SHANK2: variants seen among roughly 807,000 people sequenced by gnomAD.
The protein encoded by SHANK2 is SH3 and multiple ankyrin repeat domains 2, also known as SH3 and multiple ankyrin repeat domains protein 2.
Under a neutral mutation model 133.7 loss-of-function variants are expected in SHANK2, and 43 were observed. The observed-to-expected ratio is 0.32, with a 90% CI of 0.25 to 0.41. The LOEUF is 0.41. SHANK2 is among the 10% of genes least tolerant of loss of function. The pLI, the probability that SHANK2 is intolerant of heterozygous loss-of-function variation, is 1.00. For missense variants in SHANK2, 1,994 were observed against 2,235.8 expected, an observed-to-expected ratio of 0.89 and a Z score of 2.18; for synonymous variants, 1,017 against 952.8, an observed-to-expected ratio of 1.07 and a Z score of -1.24.
At chr11:70,936,566 A>G (rs1452054331) in intron 10 of SHANK2, among the ~76,000 whole-genome samples, 1 of 152,214 alleles carries the variant, frequency 6.6e-6, no homozygotes, top group East Asian at 1.9e-4. Context: ...ATAAGGCAAC[A>G]GGCAAAAGAA....
At chr11:70,711,556 T>C (rs1945784070) in intron 14 of SHANK2, among the ~76,000 whole-genome samples, 1 of 152,222 alleles carries the variant, frequency 6.6e-6, no homozygotes, top group African/African-American at 2.4e-5. Flanking sequence ...GCAGGAATGC[T>C]AGGAGTGTGC....
rs1565496262 is a variant in SHANK2 at position 71,175,550 on chromosome 11, GGGAGAGA to G, written c.-12-28219_-12-28213del. On this transcript the variant is annotated intron_variant, in intron 2 of 25. Transcript: ENST00000601538. This position sits in a 1 kb window ranked among gnomAD's most constrained non-coding sequence, Gnocchi z 4.2. The stretch of plus-strand genomic sequence containing the variant: ...ACAGACAGACAGAGGGAGAGGGAGA[GGGAGAGA>G]GAGAGAGAGAGAGAGAGAGAGAGAG... Among the ~76,000 whole-genome samples the G allele has an allele frequency of 5.9e-3, 89 of 15,152 alleles. 1 individual carries two copies. Among genetic ancestry groups the G allele is most frequent in the Non-Finnish European group, 9.6e-3 (47 of 4,892 alleles). 9.9% of individuals were successfully genotyped at this position (15,152 alleles called of 152,430 possible).
chr11:70,525,862 C>A (rs1554972032), intron 17 of SHANK2, among the ~76,000 whole-genome samples: 1 of 151,918 alleles, frequency 6.6e-6, no homozygotes, highest in African/African-American at 2.4e-5. Context: ...CTTCCTTCCC[C>A]CTCCCTGCTC....
chr11:71,098,034 GTGTGTGCA>G lies in SHANK2; in HGVS notation c.593-3354_593-3347del, dbSNP rs1951651734. The stretch of plus-strand genomic sequence containing the variant: ...TGTGTGCCTATGTGTGTGCATGCCT[GTGTGTGCA>G]TGTGTGCATGCCTGTGTGTACATGC... On this transcript the variant is annotated intron_variant, in intron 6 of 25. Transcript: ENST00000601538. Among the ~76,000 whole-genome samples the G allele has an allele frequency of 2.6e-5, 4 of 151,346 alleles. No homozygotes were observed. The South Asian group carries it at 8.4e-4, about 32-fold the overall frequency.
At chr11:70,738,060 C>T (rs1004411380) in intron 14 of SHANK2, among the ~76,000 whole-genome samples, 3 of 152,246 alleles carry the variant, frequency 2.0e-5, no homozygotes, top group Non-Finnish European at 2.9e-5. Flanking sequence ...TGACAAAGCC[C>T]GCAAGACGGT....
chr11:70,550,993 G>A (rs541285419), intron 17 of SHANK2, among the ~76,000 whole-genome samples: 24 of 152,310 alleles, frequency 1.6e-4, no homozygotes, highest in African/African-American at 5.8e-4. Context: ...GAAGGTCCAG[G>A]GACACTGAGA....
At chr11:70,690,940 C>T (rs1322345959) in intron 15 of SHANK2, among the ~76,000 whole-genome samples, 1 of 151,872 alleles carries the variant, frequency 6.6e-6, no homozygotes, top group East Asian at 1.9e-4. Flanking sequence ...GGGAAGATAC[C>T]CACCAGAAGA....
intron 17 of SHANK2, among the ~76,000 whole-genome samples, chr11:70,635,789 C>G (rs2061069200): frequency 1.3e-5 from 2 of 151,772 alleles, no homozygotes; most frequent in South Asian, 2.1e-4. Flanking sequence ...GTGAATGGAG[C>G]AAATGGCGGC....
intron 17 of SHANK2, among the ~76,000 whole-genome samples, chr11:70,617,193 A>C (rs982266416): frequency 2.7e-5 from 4 of 150,520 alleles, no homozygotes; most frequent in Non-Finnish European, 4.4e-5. Context: ...AGTGTCTATG[A>C]ATGTGTGAGT....
At chr11:71,061,420 C>T (rs1479942926) in intron 9 of SHANK2, among the ~76,000 whole-genome samples, 1 of 152,236 alleles carries the variant, frequency 6.6e-6, no homozygotes, top group African/African-American at 2.4e-5. Flanking sequence ...GGTCTTCAGG[C>T]CCCACTTAGG....
chr11:71,217,971 C>T (rs576311226), intron 2 of SHANK2, among the ~76,000 whole-genome samples: 5 of 152,216 alleles, frequency 3.3e-5, no homozygotes, highest in South Asian at 2.1e-4. Context: ...CTGCCTCAGC[C>T]TCCTGAGTAG....
chr11:71,090,383 TGTCC>T (rs1284987538), intron 8 of SHANK2, among the ~76,000 whole-genome samples: 1 of 79,132 alleles, frequency 1.3e-5, no homozygotes, highest in African/African-American at 5.1e-5. Flanking sequence ...TGTGTGTGTG[TGTCC>T]CCTGCTGCTT....
rs1951410685 is a variant in SHANK2 at position 71,086,220 on chromosome 11, TAATATATTAA to T, written c.912+6192_912+6201del. On this transcript the variant is annotated intron_variant, in intron 8 of 25. Coordinates refer to ENST00000601538, the MANE Select transcript of SHANK2 (RefSeq NM_012309.5). ...AAATTATATAATATATTATGTTATA[TAATATATTAA>T]ATTATATAATATATTATGTTATATA... Among the ~76,000 whole-genome samples the T allele has an allele frequency of 4.8e-4, 42 of 87,376 alleles. 2 individuals carry two copies. The highest frequency in any genetic ancestry group is 6.8e-4 in the Non-Finnish European group (36 of 52,584). 57.3% of individuals were successfully genotyped at this position (87,376 alleles called of 152,430 possible).
At chr11:71,158,462 A>G (rs1952945586) in intron 2 of SHANK2, among the ~76,000 whole-genome samples, 1 of 152,220 alleles carries the variant, frequency 6.6e-6, no homozygotes, top group Non-Finnish European at 1.5e-5. Context: ...TGAAATAAAG[A>G]AAGAATTGAA....
chr11:71,167,773 G>T (rs1341712392), intron 2 of SHANK2, among the ~76,000 whole-genome samples: 1 of 122,192 alleles, frequency 8.2e-6, no homozygotes, highest in African/African-American at 3.2e-5. Context: ...CCTCCCGGAC[G>T]GGGCGGCTGG....
At position 71,151,335 on chromosome 11, in the gene SHANK2, G is replaced by T. The variant is rs535218537; in HGVS notation, c.-12-3997C>A. 2.0e-5 allele frequency among the ~76,000 whole-genome samples: 3 copies of T among 152,172 alleles called. No individual in the cohort carries two copies. In the East Asian group the frequency reaches 5.8e-4, roughly 29 times the overall value. On this transcript the variant is annotated intron_variant, in intron 2 of 25. Coordinates refer to ENST00000601538, the MANE Select transcript of SHANK2 (RefSeq NM_012309.5). Reference sequence around the variant, plus strand: ...CACTGTTGACTCCCAGCGCTCTTCCGGTGTGGGAAGAGCCTGCCGGGTAGC... The same window carrying T: ...CACTGTTGACTCCCAGCGCTCTTCCTGTGTGGGAAGAGCCTGCCGGGTAGC...
At chr11:70,936,078 G>A (rs1555083412) in intron 10 of SHANK2, among the ~76,000 whole-genome samples, 2 of 152,232 alleles carry the variant, frequency 1.3e-5, no homozygotes, top group Non-Finnish European at 2.9e-5. Flanking sequence ...AGCTGACTGA[G>A]ATTTCTCTTT....
At chr11:70,699,366 T>A (rs1555023126) in intron 14 of SHANK2, among the ~76,000 whole-genome samples, 1 of 151,878 alleles carries the variant, frequency 6.6e-6, no homozygotes. Flanking sequence ...AGTGATGTAA[T>A]TAGATTTAAT....
chr11:70,540,700 C>A (rs2059609684), intron 17 of SHANK2, among the ~76,000 whole-genome samples: 1 of 152,024 alleles, frequency 6.6e-6, no homozygotes, highest in South Asian at 2.1e-4. Flanking sequence ...ATGGTGAAGC[C>A]CCATCTCTAC....
Sources: gnomAD v4.1 joint callset for allele counts (sites outside exome capture counted in the v4.1 genomes callset) on GRCh38, gnomAD v4.1.1 for gene constraint, Gnocchi (gnomAD v3.1) non-coding constraint, MANE v1.5 for transcripts, NCBI Gene and HGNC (gene_info 2026-07-23, HGNC 2026-07-21) for gene names.